Variants in FTO observed in about 807,000 individuals in gnomAD.
FTO encodes the protein alpha-ketoglutarate-dependent dioxygenase FTO.
Under a neutral mutation model 63.9 loss-of-function variants are expected in FTO, and 47 were observed. The observed-to-expected ratio is 0.74, with a 90% CI of 0.58 to 0.94. The LOEUF is 0.94. Ranked by LOEUF, FTO falls within the 40% of genes least tolerant of loss-of-function variation. FTO has a pLI of 0.00. For missense variants in FTO, 562 were observed against 618.1 expected, an observed-to-expected ratio of 0.91 and a Z score of 0.96; for synonymous variants, 207 against 224.4, an observed-to-expected ratio of 0.92 and a Z score of 0.69.
intron 2 of FTO, among the ~76,000 whole-genome samples, chr16:53,825,318 C>T (rs2078974376): frequency 6.6e-6 from 1 of 152,080 alleles, no homozygotes; most frequent in African/African-American, 2.4e-5. Flanking sequence ...GGTTGGTGTC[C>T]AGGGGCTTTA....
intron 4 of FTO, among the ~76,000 whole-genome samples, chr16:53,850,840 G>A (rs2079771827): frequency 2.0e-5 from 3 of 152,028 alleles, no homozygotes; most frequent in African/African-American, 7.2e-5. Context: ...AGTTTGTGGT[G>A]ATGGTTGCAC....
At chr16:54,018,672 G>T (rs569386747) in intron 8 of FTO, among the ~76,000 whole-genome samples, 2 of 152,252 alleles carry the variant, frequency 1.3e-5, no homozygotes, top group South Asian at 4.2e-4. Flanking sequence ...AGATCTGATG[G>T]TTTTATAAGG....
intron 7 of FTO, among the ~76,000 whole-genome samples, chr16:53,914,607 C>G (rs956148665): frequency 1.3e-5 from 2 of 152,094 alleles, no homozygotes; most frequent in Non-Finnish European, 2.9e-5. Context: ...TAAGGGTAAA[C>G]CCCACAGCGT....
intron 8 of FTO, among the ~76,000 whole-genome samples, chr16:54,087,601 G>A (rs1324119342): frequency 6.6e-6 from 1 of 152,040 alleles, no homozygotes; most frequent in East Asian, 1.9e-4. Flanking sequence ...CAACAAGTTC[G>A]AGACCAGCCT....
intron 8 of FTO, among the ~76,000 whole-genome samples, chr16:54,030,414 A>T (rs2144208590): frequency 6.6e-6 from 1 of 152,354 alleles, no homozygotes; most frequent in East Asian, 1.9e-4. Context: ...TTGTATAAAA[A>T]GCATTATCTG....
chr16:54,020,663 T>G (rs1172987846), intron 8 of FTO, among the ~76,000 whole-genome samples: 1 of 152,182 alleles, frequency 6.6e-6, no homozygotes, highest in Non-Finnish European at 1.5e-5. Flanking sequence ...TCAAGATGAT[T>G]ATAATAGCCT....
At chr16:53,738,220 C>T (rs1415029073) in intron 1 of FTO, among the ~76,000 whole-genome samples, 1 of 152,074 alleles carries the variant, frequency 6.6e-6, no homozygotes, top group East Asian at 1.9e-4. Context: ...CGGGGTTTCT[C>T]CATGTTGGTC....
At chr16:53,794,014 A>G (rs1348165583) in intron 1 of FTO, among the ~76,000 whole-genome samples, 2 of 152,256 alleles carry the variant, frequency 1.3e-5, no homozygotes, top group Non-Finnish European at 2.9e-5. Flanking sequence ...TGTAAATTAG[A>G]GCAAGCAAAC....
At chr16:53,844,043 A>AT (rs2079548426) in intron 3 of FTO, 112 bp from the exon 4 acceptor site, 1 of 811,416 alleles carries the variant, frequency 1.2e-6, no homozygotes, top group South Asian at 1.8e-5. Flanking sequence ...GATATATTTC[A>AT]TTTAATATTC....
At chr16:54,037,064 G>C (rs1007911549) in intron 8 of FTO, among the ~76,000 whole-genome samples, 2 of 152,156 alleles carry the variant, frequency 1.3e-5, no homozygotes, top group Non-Finnish European at 1.5e-5. Flanking sequence ...GGTTACCAAT[G>C]GGTTTTGAGT....
At chr16:53,833,713 T>C (rs2079205309) in intron 3 of FTO, among the ~76,000 whole-genome samples, 1 of 152,230 alleles carries the variant, frequency 6.6e-6, no homozygotes, top group South Asian at 2.1e-4. Flanking sequence ...GCAAGGGCTC[T>C]AATTTCTCCA....
At chr16:53,738,630 A>T (rs570894066) in intron 1 of FTO, among the ~76,000 whole-genome samples, 11 of 152,142 alleles carry the variant, frequency 7.2e-5, no homozygotes, top group African/African-American at 2.7e-4. Context: ...TTGCTGGGTC[A>T]TATGGTAAGT....
intron 7 of FTO, among the ~76,000 whole-genome samples, chr16:53,926,625 G>A (rs546754990): frequency 6.6e-6 from 1 of 152,324 alleles, no homozygotes; most frequent in South Asian, 2.1e-4. Context: ...CGTAGTTTGT[G>A]GAAGACTTCA....
At chr16:53,903,040 T>G (rs2081442455) in intron 7 of FTO, among the ~76,000 whole-genome samples, 1 of 152,010 alleles carries the variant, frequency 6.6e-6, no homozygotes, top group Non-Finnish European at 1.5e-5. Flanking sequence ...AGTCTAGGAG[T>G]TGGAGGTTAC....
intron 1 of FTO, among the ~76,000 whole-genome samples, chr16:53,805,665 G>T (rs1318808974): frequency 6.6e-6 from 1 of 152,014 alleles, no homozygotes; most frequent in African/African-American, 2.4e-5. Flanking sequence ...CCCCAAGCTG[G>T]TCTCGAACTC....
chr16:53,951,368 A>G (rs143982031), intron 8 of FTO, among the ~76,000 whole-genome samples: 2 of 152,166 alleles, frequency 1.3e-5, no homozygotes, highest in Non-Finnish European at 2.9e-5. Context: ...ACAGTCATCC[A>G]TGTTCAGTCC....
intron 1 of FTO, among the ~76,000 whole-genome samples, chr16:53,808,398 A>C (rs1489141473): frequency 1.3e-5 from 2 of 152,182 alleles, no homozygotes; most frequent in African/African-American, 4.8e-5. Context: ...ATGAGAAAAC[A>C]CCTATAGTCA....
rs745383491 is a variant in FTO, at chr16:53,796,049, C to CTT, written c.46-14076_46-14075dup. ...TTTTGTTTTTTTTCTTTCTTTCTTT[C>CTT]TTTTTTTTTTTTTTTTGGAGACGGA... On this transcript the variant is annotated intron_variant, in intron 1 of 8. Coordinates refer to ENST00000471389, the MANE Select transcript of FTO (RefSeq NM_001080432.3). 2.1e-3 allele frequency among the ~76,000 whole-genome samples: 294 copies of CTT among 138,404 alleles called. 4 individuals carry two copies. The highest frequency in any genetic ancestry group is 6.0e-3 in the African/African-American group (220 of 36,790). 90.8% of individuals were successfully genotyped at this position (138,404 alleles called of 152,430 possible). A position where few individuals can be genotyped will look rare whatever the true frequency, so the allele number is the denominator to read the frequency against.
At chr16:53,816,990 A>G (rs952419946) in intron 2 of FTO, among the ~76,000 whole-genome samples, 1 of 152,114 alleles carries the variant, frequency 6.6e-6, no homozygotes, top group Non-Finnish European at 1.5e-5. Context: ...CCCTGCTCCC[A>G]CAGCAGTATA....
Sources: gnomAD v4.1 joint callset for allele counts (sites outside exome capture counted in the v4.1 genomes callset) on GRCh38, gnomAD v4.1.1 for gene constraint, MANE v1.5 for transcripts, NCBI Gene and HGNC (gene_info 2026-07-23, HGNC 2026-07-21) for gene names.